Variants in SPINK6 observed in about 807,000 individuals in gnomAD.
SPINK6 encodes the protein serine protease inhibitor Kazal-type 6.
Under a neutral mutation model 11.7 loss-of-function variants are expected in SPINK6, and 13 were observed. The observed-to-expected ratio is 1.11, with a 90% CI of 0.72 to 1.76. The LOEUF is 1.76. Among genes scored for constraint, SPINK6 ranks in the 40% most tolerant of loss-of-function variants. The pLI is 0.00. For missense variants in SPINK6, 98 were observed against 93.7 expected, an observed-to-expected ratio of 1.05 and a Z score of -0.19; for synonymous variants, 21 against 31.9, an observed-to-expected ratio of 0.66 and a Z score of 1.15.
Position 148,209,969 on chromosome 5 carries a change from T to TGCGTATGTATGTATACATACAC in SPINK6, c.81+3911_81+3912insGCGTATGTATGTATACATACAC, listed in dbSNP as rs1755550498. The stretch of plus-strand genomic sequence containing the variant: ...GGTTTCATATATATGTATACATACA[T>TGCGTATGTATGTATACATACAC]ACGTACGTATGTATGTATACATATA... On this transcript the variant is annotated intron_variant, in intron 2 of 3. Coordinates refer to ENST00000325630, the MANE Select transcript of SPINK6 (RefSeq NM_205841.4). 7.1e-5 allele frequency among the ~76,000 whole-genome samples: 9 copies of TGCGTATGTATGTATACATACAC among 126,606 alleles called. 2 individuals are homozygous for TGCGTATGTATGTATACATACAC. The highest frequency in any genetic ancestry group is 1.4e-4 in the Non-Finnish European group (8 of 57,572). The allele number at this position is 126,606 out of a possible 152,430, so 83.1% of individuals were successfully genotyped here.
chr5:148,210,007 C>CATACATACGTACGTGTGT (rs1554112271), intron 2 of SPINK6, among the ~76,000 whole-genome samples: 2 of 105,730 alleles, frequency 1.9e-5, no homozygotes, highest in Admixed American at 8.4e-5. Context: ...CGTATGTATA[C>CATACATACGTACGTGTGT]ATGTATGTAC....
chr5:148,212,571 TATATATTATATAA>T (rs1755617272), intron 2 of SPINK6, among the ~76,000 whole-genome samples: 3 of 107,050 alleles, frequency 2.8e-5, no homozygotes, highest in Admixed American at 1.3e-4. Flanking sequence ...TAATATATAT[TATATATTATATAA>T]ATATATTTTA....
At chr5:148,213,084 C>T (rs1755634312) in intron 2 of SPINK6, among the ~76,000 whole-genome samples, 1 of 151,080 alleles carries the variant, frequency 6.6e-6, no homozygotes, top group African/African-American at 2.4e-5. Context: ...TGTGTATATA[C>T]ATAAACACAT....
chr5:148,210,009 T>C (rs1274604605), intron 2 of SPINK6, among the ~76,000 whole-genome samples: 2 of 144,958 alleles, frequency 1.4e-5, no homozygotes, highest in African/African-American at 2.7e-5. Flanking sequence ...TATGTATACA[T>C]GTATGTACGC....
intron 2 of SPINK6, 34 bp downstream of exon 2, chr5:148,206,092 GGGT>G: frequency 6.2e-7 from 1 of 1,613,532 alleles, no homozygotes. Flanking sequence ...CTTTCTGCCT[GGGT>G]GGTGCTTGGC....
At chr5:148,205,513 C>T (rs1755485972) in intron 1 of SPINK6, among the ~76,000 whole-genome samples, 3 of 152,080 alleles carry the variant, frequency 2.0e-5, no homozygotes, top group Admixed American at 2.0e-4. Flanking sequence ...ATGAGTTGTT[C>T]CTTACCAGTT....
chr5:148,206,555 TAAG>T (rs1755502181), intron 2 of SPINK6, among the ~76,000 whole-genome samples: 1 of 152,146 alleles, frequency 6.6e-6, no homozygotes, highest in South Asian at 2.1e-4. Context: ...TTTTCAGAAA[TAAG>T]AACTGAAAGT....
intron 2 of SPINK6, among the ~76,000 whole-genome samples, chr5:148,207,756 G>T (rs146016119): frequency 9.2e-5 from 14 of 152,238 alleles, no homozygotes; most frequent in African/African-American, 2.9e-4. Flanking sequence ...CTGAGCCCAG[G>T]AGGTGGAGGT....
At chr5:148,212,846 G>T (rs1386759230) in intron 2 of SPINK6, among the ~76,000 whole-genome samples, 1 of 136,520 alleles carries the variant, frequency 7.3e-6, no homozygotes, top group Admixed American at 7.9e-5. Flanking sequence ...TATATATTTA[G>T]TATATAAATA....
intron 2 of SPINK6, among the ~76,000 whole-genome samples, chr5:148,209,486 T>G (rs1755540631): frequency 6.6e-6 from 1 of 152,158 alleles, no homozygotes; most frequent in Non-Finnish European, 1.5e-5. Context: ...TATATTAGTT[T>G]CAAATAAGAT....
rs1178760264 is a variant in SPINK6, at chr5:148,203,140, T to C, written c.44T>C (p.Phe15Ser). The C allele has an allele frequency of 6.2e-7, 1 of 1,612,128 alleles. No homozygotes were observed. Among genetic ancestry groups the C allele is most frequent in the African/African-American group, 1.3e-5 (1 of 74,892 alleles). The change falls in exon 1 of 4, where the codon TTC (phenylalanine) becomes TCC (serine). Residue 15 changes from phenylalanine (F) to serine (S), a missense_variant. Phe to Ser is a radical substitution (Grantham distance 155). Transcript: ENST00000325630. ...GMFLLLSLALFCFLTGVFSQG... is the reference protein window; with the variant it reads ...GMFLLLSLALSCFLTGVFSQG... ...TTTCTGCTCCTCTCTCTGGCTCTTTTCTGCTTTTTAACAGGTAAGTTTTTT... is the reference window on the plus strand; with the variant it reads ...TTTCTGCTCCTCTCTCTGGCTCTTTCCTGCTTTTTAACAGGTAAGTTTTTT...
At chr5:148,210,183 T>TATGTATTTCTGCATGCAC (rs1755568779) in intron 2 of SPINK6, among the ~76,000 whole-genome samples, 7 of 26,832 alleles carry the variant, frequency 2.6e-4, no homozygotes, top group African/African-American at 3.7e-4. Context: ...TCTGCATGCA[T>TATGTATTTCTGCATGCAC]ATGTATTTCT....
Position 148,214,923 on chromosome 5 carries a change from TAGCCTAA to T in SPINK6, c.220_226del (p.Leu74IlefsTer47), listed in dbSNP as rs1409537610. On this transcript the variant is annotated frameshift_variant, in exon 4 of 4. Coordinates refer to ENST00000325630, the MANE Select transcript of SPINK6 (RefSeq NM_205841.4). LOFTEE classifies it high-confidence loss of function. ...TTTGTAGGAAAAGTGGTGGAAAGATTAGCCTAAAGCATCCTGGAAAATGCTGAGTTAA... is the reference window on the plus strand; with the variant it reads ...TTTGTAGGAAAAGTGGTGGAAAGATTAGCATCCTGGAAAATGCTGAGTTAA... 6.2e-7 allele frequency: 1 copy of T among 1,613,802 alleles called. No individual in the cohort carries two copies. Among genetic ancestry groups the T allele is most frequent in the East Asian group, 2.2e-5 (1 of 44,844 alleles).
At chr5:148,206,189 C>A in intron 2 of SPINK6, 131 bp downstream of exon 2, 1 of 835,394 alleles carries the variant, frequency 1.2e-6, no homozygotes, top group Non-Finnish European at 1.9e-6. Flanking sequence ...CAGACATCAG[C>A]AGAAATTATT....
intron 2 of SPINK6, 95 bp from the exon 3 acceptor site, chr5:148,213,815 A>G (rs55708144): frequency 0.011 from 7,298 of 662,888 alleles, 282 homozygotes; most frequent in African/African-American, 0.1. Flanking sequence ...AACTATTTAT[A>G]TATGGTTTTT....
intron 2 of SPINK6, among the ~76,000 whole-genome samples, chr5:148,210,082 A>G (rs1376688863): frequency 8.2e-6 from 1 of 121,566 alleles, no homozygotes; most frequent in Non-Finnish European, 1.9e-5. Flanking sequence ...GCATATATGT[A>G]TGCATGTTTA....
At chr5:148,205,166 T>C (rs574518534) in intron 1 of SPINK6, among the ~76,000 whole-genome samples, 23 of 152,296 alleles carry the variant, frequency 1.5e-4, no homozygotes, top group Admixed American at 2.6e-4. Flanking sequence ...TTTCCGGTTG[T>C]TATCCCATAA....
intron 1 of SPINK6, among the ~76,000 whole-genome samples, chr5:148,204,794 T>C (rs1471329858): frequency 6.6e-6 from 1 of 152,142 alleles, no homozygotes; most frequent in African/African-American, 2.4e-5. Flanking sequence ...TGAATATTAA[T>C]CCTGTTTTTG....
intron 2 of SPINK6, among the ~76,000 whole-genome samples, chr5:148,213,358 G>A (rs1009474289): frequency 2.6e-5 from 4 of 151,860 alleles, no homozygotes; most frequent in African/African-American, 9.7e-5. Context: ...CACCACACCC[G>A]GCTAATTTTT....
Sources: allele counts gnomAD v4.1 joint callset (sites outside exome capture counted in the v4.1 genomes callset), GRCh38; gene constraint gnomAD v4.1.1; transcripts MANE v1.5; gene names NCBI Gene and HGNC (gene_info 2026-07-23, HGNC 2026-07-21).